The following TET2 variants were observed in gnomAD, a reference collection of about 807,000 sequenced individuals.
TET2 encodes the protein tet methylcytosine dioxygenase 2, also known as methylcytosine dioxygenase TET2.
A neutral mutation model predicts 142.9 loss-of-function variants in TET2; 299 were observed. That is an observed-to-expected ratio of 2.09 (90% CI 1.90 to 2.30). The LOEUF (loss-of-function observed/expected upper bound fraction) is 2.30. Among genes scored for constraint, TET2 ranks in the 30% most tolerant of loss-of-function variants. The pLI is 0.00. For missense variants in TET2, 2,418 were observed against 2,378.0 expected, an observed-to-expected ratio of 1.02 and a Z score of -0.35; for synonymous variants, 819 against 849.0, an observed-to-expected ratio of 0.96 and a Z score of 0.61.
intron 2 of TET2, among the ~76,000 whole-genome samples, chr4:105,204,272 CAT>C (rs1185569093): frequency 0.032 from 4,540 of 140,590 alleles, 189 homozygotes; most frequent in African/African-American, 0.11. Context: ...CACACACATA[CAT>C]ACATACATTA....
chr4:105,146,785 C>A (rs529069213), upstream of TET2: 2 of 152,044 alleles, frequency 1.3e-5, no homozygotes, highest in South Asian at 2.1e-4. Context: ...GCCCCCTCGG[C>A]GCGGCCGCCC....
In TET2 at chr4:105,275,144, A is replaced by G. The variant is rs1038504458; in HGVS notation, c.4634A>G (p.Gln1545Arg). The G allele has an allele frequency of 3.2e-6, 5 of 1,551,366 alleles. No individual in the cohort carries two copies. In the African/African-American group the frequency reaches 6.8e-5, roughly 21 times the overall value. ...CAGCCCCAGCAGCAGCAGAGACCCC[A>G]GCAGCAGCAGCCACATCACCCTCAG... ...PPQPQQQQRP[Q>R]QQQPHHPQTE... is the part of the protein sequence containing the mutation. The change falls in exon 11 of 11, where the codon CAG (glutamine) becomes CGG (arginine). Residue 1545 changes from glutamine to arginine, a missense_variant. Transcript: ENST00000380013.
At position 105,235,612 on chromosome 4, in the gene TET2, A is replaced by G. The variant is rs760948878; in HGVS notation, c.1670A>G (p.Gln557Arg). The G allele has an allele frequency of 6.2e-7, 1 of 1,614,162 alleles. No individual in the cohort carries two copies. Among genetic ancestry groups the G allele is most frequent in the Non-Finnish European group, 8.5e-7 (1 of 1,180,012 alleles). Residue 557 changes from glutamine (Q) to arginine (R), a missense_variant, in exon 3 of 11, where the codon CAG becomes CGG. Transcript: ENST00000380013. ...EQTRDLVPPT[Q>R]HYLKPGWIEL... ...ACACGAGATCTTGTGCCCCCAACAC[A>G]GCACTATCTGAAACCAGGATGGATT...
chr4:105,169,345 CTCATA>C (rs1724326752), intron 1 of TET2, among the ~76,000 whole-genome samples: 1 of 152,070 alleles, frequency 6.6e-6, no homozygotes, highest in Non-Finnish European at 1.5e-5. Flanking sequence ...TGAACATTTT[CTCATA>C]TGTTTGTTGG....
At chr4:105,169,686 T>C (rs1361557979) in intron 1 of TET2, among the ~76,000 whole-genome samples, 2 of 152,222 alleles carry the variant, frequency 1.3e-5, no homozygotes, top group African/African-American at 4.8e-5. Flanking sequence ...TTTCTGATGT[T>C]ATCTTCTAGA....
At chr4:105,208,835 A>G (rs557744367) in intron 2 of TET2, among the ~76,000 whole-genome samples, 3 of 151,890 alleles carry the variant, frequency 2.0e-5, no homozygotes, top group South Asian at 2.1e-4. Context: ...CTTGGTACCA[A>G]TTAAAACAGT....
chr4:105,230,873 T>C (rs2110624190), intron 2 of TET2, among the ~76,000 whole-genome samples: 1 of 152,266 alleles, frequency 6.6e-6, no homozygotes, highest in Admixed American at 6.5e-5. Context: ...TGTTTTTAAC[T>C]TTTGGGGGGG....
chr4:105,158,658 GA>G (rs1723682099), intron 1 of TET2, among the ~76,000 whole-genome samples: 1 of 152,126 alleles, frequency 6.6e-6, no homozygotes, highest in Non-Finnish European at 1.5e-5. Context: ...AAGCAAGCAG[GA>G]ATAAGTCCTG....
At chr4:105,260,293 T>C (rs1263813599) in intron 7 of TET2, among the ~76,000 whole-genome samples, 2 of 152,176 alleles carry the variant, frequency 1.3e-5, no homozygotes, top group African/African-American at 2.4e-5. Flanking sequence ...TTTTGTCTTG[T>C]CTGTAGAATA....
intron 2 of TET2, among the ~76,000 whole-genome samples, chr4:105,223,285 G>A (rs6839609): frequency 0.092 from 13,935 of 151,948 alleles, 1,828 homozygotes; most frequent in African/African-American, 0.29. Context: ...TCTAACATGT[G>A]GCTTGCTTAC....
intron 6 of TET2, among the ~76,000 whole-genome samples, chr4:105,247,031 C>CT (rs1210892029): frequency 6.6e-6 from 1 of 152,126 alleles, no homozygotes; most frequent in Non-Finnish European, 1.5e-5. Context: ...CCAGAAATGC[C>CT]TTCTGCCATG....
intron 2 of TET2, among the ~76,000 whole-genome samples, chr4:105,196,036 C>T (rs764432203): frequency 9.9e-5 from 15 of 152,226 alleles, no homozygotes; most frequent in Admixed American, 7.2e-4. Flanking sequence ...ACCTGTAGAC[C>T]AAGAACTTCT....
In TET2 at chr4:105,277,263, A is replaced by G. The variant is rs2110318773; in HGVS notation, c.*744A>G. The G allele has an allele frequency of 4.4e-6, 1 of 227,220 alleles. No individual in the cohort carries two copies. The highest frequency in any genetic ancestry group is 2.2e-5 in the African/African-American group (1 of 45,220). 14.1% of individuals were successfully genotyped at this position (227,220 alleles called of 1,614,324 possible). A position where few individuals can be genotyped will look rare whatever the true frequency, so the allele number is the denominator to read the frequency against. The stretch of plus-strand genomic sequence containing the variant: ...TAATTACCTATTCTTACACAAGCTT[A>G]GTTTTTAAAATGTGGACATTTTAAA... On this transcript the variant is annotated 3_prime_UTR_variant, in exon 11 of 11. Coordinates refer to ENST00000380013, the MANE Select transcript of TET2 (RefSeq NM_001127208.3).
chr4:105,225,629 C>G (rs941375438), intron 2 of TET2, among the ~76,000 whole-genome samples: 1 of 152,162 alleles, frequency 6.6e-6, no homozygotes, highest in Non-Finnish European at 1.5e-5. Flanking sequence ...CTCCTGTATT[C>G]CCATGGCACT....
At chr4:105,267,467 G>T (rs139404827) in intron 8 of TET2, among the ~76,000 whole-genome samples, 12 of 150,726 alleles carry the variant, frequency 8.0e-5, no homozygotes, top group Non-Finnish European at 1.2e-4. Context: ...GTACTTATAC[G>T]ATATGTGGAC....
chr4:105,273,771 G>A (rs1030781806), intron 10 of TET2, among the ~76,000 whole-genome samples: 1 of 152,030 alleles, frequency 6.6e-6, no homozygotes, highest in Non-Finnish European at 1.5e-5. Flanking sequence ...GGTTTAGGAG[G>A]GGTTCTACAT....
chr4:105,255,864 T>C (rs1413815240), intron 6 of TET2, among the ~76,000 whole-genome samples: 1 of 151,936 alleles, frequency 6.6e-6, no homozygotes, highest in Non-Finnish European at 1.5e-5. Context: ...TTTTTTGTGT[T>C]CAATAGATAT....
At chr4:105,195,306 C>G (rs1726019253) in intron 2 of TET2, among the ~76,000 whole-genome samples, 1 of 152,110 alleles carries the variant, frequency 6.6e-6, no homozygotes, top group Non-Finnish European at 1.5e-5. Flanking sequence ...GCACTAAAAA[C>G]GTTTATTCAT....
chr4:105,249,726 A>AT (rs1729771004), intron 6 of TET2, among the ~76,000 whole-genome samples: 1 of 152,080 alleles, frequency 6.6e-6, no homozygotes, highest in Non-Finnish European at 1.5e-5. Flanking sequence ...TTGACCATGT[A>AT]TTTTTTTGAG....
Sources: gnomAD v4.1 joint callset for allele counts (sites outside exome capture counted in the v4.1 genomes callset) on GRCh38, gnomAD v4.1.1 for gene constraint, MANE v1.5 for transcripts, NCBI Gene and HGNC (gene_info 2026-07-23, HGNC 2026-07-21) for gene names.